CNTN5: variants seen among roughly 807,000 people sequenced by gnomAD.
The protein encoded by CNTN5 is contactin-5.
Under a neutral mutation model 129.1 loss-of-function variants are expected in CNTN5, and 77 were observed. That is an observed-to-expected ratio of 0.60 (90% CI 0.50 to 0.72). The LOEUF (loss-of-function observed/expected upper bound fraction) is 0.72. Among genes scored for constraint, CNTN5 ranks in the 30% least tolerant of loss-of-function variants. The pLI is 0.00. For synonymous variants in CNTN5, 509 were observed against 465.6 expected (o/e 1.09, Z -1.20); for missense variants, 1,478 against 1,328.8 (o/e 1.11, Z -1.75).
At chr11:100,302,468 C>T (rs1426000902) in intron 20 of CNTN5, among the ~76,000 whole-genome samples, 2 of 151,578 alleles carry the variant, frequency 1.3e-5, no homozygotes, top group Non-Finnish European at 1.5e-5. Flanking sequence ...GAAATTCCTC[C>T]ACATTCTTAG....
chr11:99,875,586 C>T (rs1948612358), intron 6 of CNTN5, among the ~76,000 whole-genome samples: 1 of 152,024 alleles, frequency 6.6e-6, no homozygotes, highest in Non-Finnish European at 1.5e-5. Context: ...TTTTATATAG[C>T]TCCTGGAAAA....
rs901527330 is a variant in CNTN5, at chr11:99,845,131, G to T, written c.446G>T (p.Arg149Leu). ...GTEIDLESDY[R>L]YSLIDGTFII... ...GAAATAGATCTGGAAAGTGATTATC[G>T]CTACAGTTTGATAGATGGCACCTTC... is the stretch of plus-strand genomic sequence containing the variant. Residue 149 changes from arginine to leucine, a missense_variant, in exon 6 of 25, where the codon CGC (arginine) becomes CTC (leucine). Arg to Leu is a moderately radical substitution (Grantham distance 102). Transcript: ENST00000524871. 1 of 1,613,450 alleles carries T rather than the reference G, an allele frequency of 6.2e-7. No individual in the cohort carries two copies. The highest frequency in any genetic ancestry group is 8.5e-7 in the Non-Finnish European group (1 of 1,179,782).
chr11:99,042,365 C>CTTTTTTT lies in CNTN5; in HGVS notation c.-210+21116_-210+21122dup, dbSNP rs1210153589. On this transcript the variant is annotated intron_variant, in intron 1 of 24. Transcript: ENST00000524871. ...CACATGTACCTCCCTTCTTCTTCTT[C>CTTTTTTT]TTTTTTTTTTTTTTTTTTTTTTTTT... Among the ~76,000 whole-genome samples, 160 of 83,790 alleles carry CTTTTTTT rather than the reference C, an allele frequency of 1.9e-3. 9 individuals carry two copies. Among genetic ancestry groups the CTTTTTTT allele is most frequent in the East Asian group, 1.0e-2 (25 of 2,506 alleles). The allele number at this position is 83,790 out of a possible 152,430, so 55.0% of individuals were successfully genotyped here. A position where few individuals can be genotyped will look rare whatever the true frequency, so the allele number is the denominator to read the frequency against.
At chr11:99,110,487 G>T (rs1231727440) in intron 1 of CNTN5, among the ~76,000 whole-genome samples, 2 of 152,122 alleles carry the variant, frequency 1.3e-5, no homozygotes, top group African/African-American at 4.8e-5. Context: ...GCCTTGGGAT[G>T]CTAATAGCTG....
intron 3 of CNTN5, among the ~76,000 whole-genome samples, chr11:99,632,155 A>G (rs1303765368): frequency 6.6e-6 from 1 of 152,144 alleles, no homozygotes; most frequent in Non-Finnish European, 1.5e-5. Context: ...GATTTGTCTG[A>G]TTATACAAAC....
At chr11:99,408,401 AAGAG>A in intron 2 of CNTN5, among the ~76,000 whole-genome samples, 2 of 142,190 alleles carry the variant, frequency 1.4e-5, no homozygotes, top group East Asian at 2.1e-4. Context: ...AGAAAGAAAG[AAGAG>A]AGAGAAAGAA....
intron 6 of CNTN5, among the ~76,000 whole-genome samples, chr11:99,905,513 A>G (rs139839687): frequency 0.013 from 1,915 of 152,270 alleles, 37 homozygotes; most frequent in African/African-American, 0.044. Flanking sequence ...CCGTTTTGGT[A>G]CCAGTACCAT....
chr11:99,815,968 G>A (rs1168895642), intron 3 of CNTN5, among the ~76,000 whole-genome samples: 2 of 151,932 alleles, frequency 1.3e-5, no homozygotes, highest in South Asian at 2.1e-4. Flanking sequence ...GTTAGAGTCC[G>A]TGGTCCATAA....
At chr11:100,052,962 T>C (rs1329364940) in intron 9 of CNTN5, among the ~76,000 whole-genome samples, 1 of 151,750 alleles carries the variant, frequency 6.6e-6, no homozygotes, top group Admixed American at 6.6e-5. Context: ...GAAAGGGTAA[T>C]ATTTTGAATA....
chr11:99,151,876 A>T (rs1031128108), intron 1 of CNTN5, among the ~76,000 whole-genome samples: 2 of 151,670 alleles, frequency 1.3e-5, no homozygotes, highest in African/African-American at 4.8e-5. Context: ...CTGTCAGGGG[A>T]TGGGGGCAAG....
chr11:100,132,520 G>A (rs1041559265), intron 13 of CNTN5, among the ~76,000 whole-genome samples: 19 of 152,224 alleles, frequency 1.2e-4, no homozygotes, highest in African/African-American at 4.6e-4. Context: ...GGGGTTTTGA[G>A]ATATATTTGT....
chr11:100,142,315 C>CGTCT (rs1157304404), intron 13 of CNTN5, among the ~76,000 whole-genome samples: 1 of 152,092 alleles, frequency 6.6e-6, no homozygotes, highest in East Asian at 1.9e-4. Context: ...CTATGTTATC[C>CGTCT]GTCTGTCTGT....
intron 9 of CNTN5, among the ~76,000 whole-genome samples, chr11:100,042,842 T>C (rs1425440394): frequency 6.6e-6 from 1 of 152,202 alleles, no homozygotes; most frequent in Admixed American, 6.5e-5. Flanking sequence ...CTCGGTATGA[T>C]ATTAGCTTTA....
At chr11:99,651,963 A>G (rs553875689) in intron 3 of CNTN5, among the ~76,000 whole-genome samples, 1 of 152,188 alleles carries the variant, frequency 6.6e-6, no homozygotes, top group African/African-American at 2.4e-5. Flanking sequence ...CTACTGCTGC[A>G]TAACACGTTG....
rs142052145 is a variant in CNTN5, at chr11:99,421,648, C to T, written c.-71+96164C>T. Among the ~76,000 whole-genome samples the T allele has an allele frequency of 5.9e-3, 892 of 152,120 alleles. 9 individuals carry two copies. The highest frequency in any genetic ancestry group is 1.0e-2 in the South Asian group (48 of 4,824). On this transcript the variant is annotated intron_variant, in intron 2 of 24. Transcript: ENST00000524871. ...ACTTTTTTGCATTTCTGGATGACAC[C>T]GCATTGCATGTTTCAAAATATTATG...
intron 1 of CNTN5, among the ~76,000 whole-genome samples, chr11:99,032,143 C>T (rs1414237652): frequency 6.6e-6 from 1 of 152,070 alleles, no homozygotes; most frequent in Non-Finnish European, 1.5e-5. Context: ...ATATGTGCCA[C>T]ATTTTCTTAA....
At chr11:99,304,876 T>C (rs888908243) in intron 1 of CNTN5, among the ~76,000 whole-genome samples, 1 of 152,168 alleles carries the variant, frequency 6.6e-6, no homozygotes, top group Non-Finnish European at 1.5e-5. Context: ...GAGTTGTGAC[T>C]GTGTCTCTAC....
intron 13 of CNTN5, among the ~76,000 whole-genome samples, chr11:100,130,237 T>C (rs1293788256): frequency 6.6e-6 from 1 of 152,170 alleles, no homozygotes; most frequent in Admixed American, 6.6e-5. Flanking sequence ...CCTTTTATGT[T>C]TCATTCACTT....
chr11:100,333,992 C>A (rs1301992985), intron 21 of CNTN5, among the ~76,000 whole-genome samples: 1 of 152,176 alleles, frequency 6.6e-6, no homozygotes, highest in East Asian at 1.9e-4. Context: ...GCAGAGTTAA[C>A]AGACAACCCA....
Sources: allele counts gnomAD v4.1 joint callset (sites outside exome capture counted in the v4.1 genomes callset), GRCh38; gene constraint gnomAD v4.1.1; transcripts MANE v1.5; gene names NCBI Gene and HGNC (gene_info 2026-07-23, HGNC 2026-07-21).